The following DLG2 variants were observed in gnomAD, a reference collection of about 807,000 sequenced individuals.
The protein encoded by DLG2 is discs large MAGUK scaffold protein 2, also known as disks large homolog 2.
Under a neutral mutation model 132.5 loss-of-function variants are expected in DLG2, and 45 were observed. That is an observed-to-expected ratio of 0.34 (90% CI 0.27 to 0.44). The LOEUF (loss-of-function observed/expected upper bound fraction) is 0.44, where lower values mean the gene tolerates loss of function less well. Ranked by LOEUF, DLG2 falls within the 20% of genes least tolerant of loss-of-function variation. The pLI is 1.00. For missense variants in DLG2, 1,045 were observed against 1,196.9 expected, an observed-to-expected ratio of 0.87 and a Z score of 1.87; for synonymous variants, 424 against 419.6, an observed-to-expected ratio of 1.01 and a Z score of -0.13.
At chr11:84,749,698 A>G (rs1565864930) in intron 6 of DLG2, among the ~76,000 whole-genome samples, 1 of 152,142 alleles carries the variant, frequency 6.6e-6, no homozygotes, top group East Asian at 1.9e-4. Context: ...TAAGTGATGC[A>G]TGGCTGTTTT....
intron 6 of DLG2, among the ~76,000 whole-genome samples, chr11:84,767,246 T>C (rs912834722): frequency 2.8e-5 from 4 of 142,934 alleles, no homozygotes; most frequent in Non-Finnish European, 4.8e-5. Flanking sequence ...AGAATACTGG[T>C]ATTATGGTGG....
intron 4 of DLG2, among the ~76,000 whole-genome samples, chr11:85,166,367 T>C (rs2078446274): frequency 6.6e-6 from 1 of 152,292 alleles, no homozygotes; most frequent in East Asian, 1.9e-4. Context: ...TTGTATTTCC[T>C]CTAAAAAATC....
At chr11:85,345,562 G>A (rs1416862244) in intron 3 of DLG2, among the ~76,000 whole-genome samples, 1 of 152,098 alleles carries the variant, frequency 6.6e-6, no homozygotes, top group Non-Finnish European at 1.5e-5. Flanking sequence ...ATGGAACCAG[G>A]ATTCAAATTA....
rs151286600 is a variant in DLG2 at position 84,048,077 on chromosome 11, C to T, written c.919+11238G>A. Among the ~76,000 whole-genome samples, 407 of 151,536 alleles carry T rather than the reference C, an allele frequency of 2.7e-3. 3 individuals carry two copies. The highest frequency in any genetic ancestry group is 3.5e-3 in the Admixed American group (53 of 15,160). ...GAAATAATCAGAAATTAACAACGTGCATGCACAAGAAATTCTACAGGAAAA... is the reference window on the plus strand; with the variant it reads ...GAAATAATCAGAAATTAACAACGTGTATGCACAAGAAATTCTACAGGAAAA... On this transcript the variant is annotated intron_variant, in intron 11 of 27. Coordinates refer to ENST00000376104, the MANE Select transcript of DLG2 (RefSeq NM_001142699.3).
intron 7 of DLG2, among the ~76,000 whole-genome samples, chr11:84,252,943 T>G (rs547059267): frequency 2.6e-5 from 4 of 152,340 alleles, no homozygotes; most frequent in African/African-American, 7.2e-5. Flanking sequence ...TGTCAATCTA[T>G]TCTGTGGAAT....
At chr11:85,309,400 A>T (rs1004504501) in intron 3 of DLG2, among the ~76,000 whole-genome samples, 1 of 147,892 alleles carries the variant, frequency 6.8e-6, no homozygotes, top group South Asian at 2.2e-4. Context: ...TTATATATGG[A>T]CCACAGACTC....
chr11:85,576,769 A>G (rs1298164524), intron 3 of DLG2, among the ~76,000 whole-genome samples: 1 of 152,188 alleles, frequency 6.6e-6, no homozygotes, highest in Non-Finnish European at 1.5e-5. Context: ...CACATCACAA[A>G]TAAATATAAA....
intron 8 of DLG2, among the ~76,000 whole-genome samples, chr11:84,166,517 A>G (rs866767016): frequency 0.017 from 2,280 of 136,438 alleles, 65 homozygotes; most frequent in African/African-American, 0.061. Flanking sequence ...AAAAAAAAAA[A>G]AAAGAAAAGA....
chr11:85,420,827 G>C lies in DLG2; in HGVS notation c.41-135462C>G, dbSNP rs544921893. ...TCCCAGGTTGACTTCAGACTGCTCT[G>C]CTGGCAGCAAGAATTTCAAGCCAGT... On this transcript the variant is annotated intron_variant, in intron 3 of 27. Transcript: ENST00000376104. 9.2e-5 allele frequency among the ~76,000 whole-genome samples: 14 copies of C among 152,272 alleles called. No homozygotes were observed. The South Asian group carries it at 1.0e-3, about 11-fold the overall frequency.
intron 18 of DLG2, among the ~76,000 whole-genome samples, chr11:83,687,995 A>T (rs1019731720): frequency 6.6e-6 from 1 of 151,438 alleles, no homozygotes. Flanking sequence ...TGGGTGACAG[A>T]GCAAGGCCCT....
At chr11:85,368,449 A>G (rs2084717753) in intron 3 of DLG2, among the ~76,000 whole-genome samples, 1 of 152,242 alleles carries the variant, frequency 6.6e-6, no homozygotes, top group African/African-American at 2.4e-5. Context: ...TCCACCAACA[A>G]ATCATTTGAC....
intron 4 of DLG2, among the ~76,000 whole-genome samples, chr11:85,283,564 A>T (rs2078369769): frequency 6.6e-6 from 1 of 151,726 alleles, no homozygotes; most frequent in South Asian, 2.1e-4. Context: ...TTCTAGTACC[A>T]CTTAGAAAAA....
At chr11:84,245,086 T>C (rs2097285094) in intron 8 of DLG2, among the ~76,000 whole-genome samples, 2 of 152,190 alleles carry the variant, frequency 1.3e-5, no homozygotes, top group Non-Finnish European at 2.9e-5. Context: ...GCAGTGCCAT[T>C]TAAATGTTAC....
chr11:85,208,987 T>G (rs776664848), intron 4 of DLG2, among the ~76,000 whole-genome samples: 1 of 152,116 alleles, frequency 6.6e-6, no homozygotes, highest in African/African-American at 2.4e-5. Context: ...TGTAAGTCCT[T>G]TGCAAGTACA....
chr11:84,680,118 G>GTC (rs2099724948), intron 6 of DLG2, among the ~76,000 whole-genome samples: 1 of 152,016 alleles, frequency 6.6e-6, no homozygotes, highest in Non-Finnish European at 1.5e-5. Context: ...GTGTCCCTTA[G>GTC]TCTCTCTCTC....
intron 3 of DLG2, among the ~76,000 whole-genome samples, chr11:85,558,860 G>C (rs970707860): frequency 6.6e-6 from 1 of 151,582 alleles, no homozygotes; most frequent in African/African-American, 2.4e-5. Flanking sequence ...CTGGGTGACG[G>C]GATCAATCAT....
chr11:84,807,754 CAGAA>C (rs1339847075), intron 6 of DLG2, among the ~76,000 whole-genome samples: 2 of 151,994 alleles, frequency 1.3e-5, no homozygotes, highest in African/African-American at 4.8e-5. Context: ...GTTACCAGAT[CAGAA>C]AGAGACATTA....
intron 3 of DLG2, among the ~76,000 whole-genome samples, chr11:85,576,599 A>G (rs1023794613): frequency 6.6e-6 from 1 of 152,190 alleles, no homozygotes; most frequent in African/African-American, 2.4e-5. Flanking sequence ...GTCAAAATTT[A>G]AAAGTCAACA....
chr11:83,848,233 C>G (rs149986010), intron 16 of DLG2, among the ~76,000 whole-genome samples: 1 of 151,558 alleles, frequency 6.6e-6, no homozygotes, highest in Non-Finnish European at 1.5e-5. Flanking sequence ...AGAATGCAAT[C>G]TCTATGAGAA....
Sources: allele counts gnomAD v4.1 joint callset (sites outside exome capture counted in the v4.1 genomes callset), GRCh38; gene constraint gnomAD v4.1.1; transcripts MANE v1.5; gene names NCBI Gene and HGNC (gene_info 2026-07-23, HGNC 2026-07-21).